The following SFXN5 variants were observed in gnomAD, a reference collection of about 807,000 sequenced individuals.
The protein encoded by SFXN5 is sideroflexin 5.
In SFXN5, 43 loss-of-function variants were observed where a neutral mutation model predicts 50.2. That is an observed-to-expected ratio of 0.86 (90% CI 0.67 to 1.11). The LOEUF (loss-of-function observed/expected upper bound fraction) is 1.11. SFXN5 is among the 50% of genes least tolerant of loss of function. The pLI is 0.00. For synonymous variants in SFXN5, 203 were observed against 185.8 expected, an observed-to-expected ratio of 1.09 and a Z score of -0.75; for missense variants, 463 against 454.1, an observed-to-expected ratio of 1.02 and a Z score of -0.18.
intron 9 of SFXN5, among the ~76,000 whole-genome samples, chr2:72,990,336 T>C (rs1702211498): frequency 6.6e-6 from 1 of 152,084 alleles, no homozygotes; most frequent in African/African-American, 2.4e-5. Flanking sequence ...AGTGGTACAG[T>C]GGGCAGGGCT....
intron 3 of SFXN5, among the ~76,000 whole-genome samples, chr2:73,029,917 C>A (rs555205151): frequency 1.3e-5 from 2 of 151,922 alleles, no homozygotes; most frequent in South Asian, 2.1e-4. Flanking sequence ...AGAAAAAATA[C>A]AAAAATTAGC....
intron 5 of SFXN5, among the ~76,000 whole-genome samples, chr2:73,021,247 C>T (rs1676849604): frequency 6.6e-6 from 1 of 152,154 alleles, no homozygotes. Context: ...CTTTGGGAGG[C>T]CAAAGCAGGC....
chr2:72,994,508 C>T (rs1672978622), intron 9 of SFXN5, among the ~76,000 whole-genome samples: 1 of 152,182 alleles, frequency 6.6e-6, no homozygotes, highest in Non-Finnish European at 1.5e-5. Flanking sequence ...AGACCTCAGC[C>T]AGCTAAGAGG....
At chr2:73,066,845 A>G (rs538614705) in intron 1 of SFXN5, among the ~76,000 whole-genome samples, 1 of 134,524 alleles carries the variant, frequency 7.4e-6, no homozygotes, top group African/African-American at 2.7e-5. Flanking sequence ...CTACAAAAAA[A>G]AAGAAAAGAA....
At chr2:73,056,678 T>G (rs981546810) in intron 2 of SFXN5, among the ~76,000 whole-genome samples, 3 of 135,110 alleles carry the variant, frequency 2.2e-5, no homozygotes, top group Non-Finnish European at 4.7e-5. Flanking sequence ...AGAGCAAAAC[T>G]CCGTCTCAAA....
chr2:73,014,334 C>T (rs574530027), intron 6 of SFXN5, among the ~76,000 whole-genome samples: 19 of 152,138 alleles, frequency 1.2e-4, no homozygotes, highest in Non-Finnish European at 2.1e-4. Flanking sequence ...TGTCCTTTTT[C>T]TCCACTGATT....
intron 2 of SFXN5, among the ~76,000 whole-genome samples, chr2:73,052,330 AAGAG>A (rs559429276): frequency 1.5e-5 from 2 of 133,266 alleles, no homozygotes; most frequent in Non-Finnish European, 3.1e-5. Flanking sequence ...TAGAAAATGT[AAGAG>A]AGAGAGTGTG....
chr2:72,998,993 T>C lies in SFXN5; in HGVS notation c.490A>G (p.Ile164Val). 6.2e-7 allele frequency: 1 copy of C among 1,614,144 alleles called. No individual in the cohort carries two copies. The highest frequency in any genetic ancestry group is 1.7e-5 in the Admixed American group (1 of 60,010). Residue 164 changes from isoleucine to valine, a missense_variant, in exon 9 of 14, where the codon ATC (isoleucine) becomes GTC (valine). Transcript: ENST00000272433. ...ATKPSPASKF[I>V]QGYLGAVISA... ...ATGACAGCTCCCAGGTATCCCTGGA[T>C]GAACTTGGATGCAGGTGAAGGCTGG...
chr2:72,955,352 G>A (rs779466118), intron 13 of SFXN5, among the ~76,000 whole-genome samples: 21 of 152,248 alleles, frequency 1.4e-4, no homozygotes, highest in Non-Finnish European at 2.4e-4. Flanking sequence ...CTCTCCTGCC[G>A]CCTGCCAACA....
intron 9 of SFXN5, among the ~76,000 whole-genome samples, chr2:72,993,896 A>C (rs1290579654): frequency 6.6e-6 from 1 of 152,154 alleles, no homozygotes; most frequent in Non-Finnish European, 1.5e-5. Flanking sequence ...ATAGCCAGAA[A>C]ACACAGGCCC....
chr2:72,951,521 G>T (rs1672533825), intron 13 of SFXN5, among the ~76,000 whole-genome samples: 1 of 152,150 alleles, frequency 6.6e-6, no homozygotes, highest in Admixed American at 6.5e-5. Flanking sequence ...TCTACAGCCT[G>T]GGAGCACACA....
At chr2:73,008,118 A>G (rs932529926) in intron 6 of SFXN5, among the ~76,000 whole-genome samples, 5 of 152,226 alleles carry the variant, frequency 3.3e-5, no homozygotes, top group African/African-American at 1.2e-4. Flanking sequence ...AGTGGCCGAC[A>G]CCAGCATCTT....
chr2:72,988,448 T>G, intron 9 of SFXN5, 100 bp from the exon 10 acceptor site: 5 of 1,019,008 alleles, frequency 4.9e-6, no homozygotes, highest in Non-Finnish European at 7.3e-6. Flanking sequence ...GAGTGAGGGA[T>G]GTCATCTTTC....
In SFXN5 at chr2:72,960,638, A is replaced by G. The variant is rs1326230856; in HGVS notation, c.945+493T>C. ...TCTCTGTTCTGGCTTCCAAGTTCCC[A>G]ACACCACCCAGCCCAGCCCCTCATT... On this transcript the variant is annotated intron_variant, in intron 13 of 13. Coordinates refer to ENST00000272433, the MANE Select transcript of SFXN5 (RefSeq NM_144579.3). The surrounding 1 kb of genome is among the most constrained non-coding windows in gnomAD (Gnocchi z 6.1). 6.6e-6 allele frequency among the ~76,000 whole-genome samples: 1 copy of G among 151,800 alleles called. No individual in the cohort carries two copies. Among genetic ancestry groups the G allele is most frequent in the Non-Finnish European group, 1.5e-5 (1 of 67,920 alleles).
chr2:73,030,221 A>C (rs1298302680), intron 3 of SFXN5, among the ~76,000 whole-genome samples: 1 of 152,074 alleles, frequency 6.6e-6, no homozygotes, highest in African/African-American at 2.4e-5. Context: ...ACTTGCATCC[A>C]TCTCTAAAGT....
intron 6 of SFXN5, among the ~76,000 whole-genome samples, chr2:73,016,525 C>T (rs1273453222): frequency 2.0e-5 from 3 of 152,036 alleles, no homozygotes; most frequent in Admixed American, 6.6e-5. Context: ...GCCAACATGG[C>T]GAAACCCCAT....
At chr2:73,048,511 C>T (rs888301492) in intron 2 of SFXN5, among the ~76,000 whole-genome samples, 32 of 152,188 alleles carry the variant, frequency 2.1e-4, no homozygotes, top group African/African-American at 7.7e-4. Context: ...CCACTGTGCC[C>T]GGCCAGTCAT....
intron 2 of SFXN5, among the ~76,000 whole-genome samples, chr2:73,052,948 CG>C (rs1681574775): frequency 6.6e-6 from 1 of 152,190 alleles, no homozygotes; most frequent in African/African-American, 2.4e-5. Context: ...GAGGCCAAGG[CG>C]GGCAGATCAC....
rs546129115 is a variant in SFXN5 at position 72,949,203 on chromosome 2, A to G, written c.946-4104T>C. Among the ~76,000 whole-genome samples, 7 of 152,278 alleles carry G rather than the reference A, an allele frequency of 4.6e-5. No individual in the cohort carries two copies. In the East Asian group the frequency reaches 1.4e-3, roughly 29 times the overall value. ...GTTGGACTTGGAAATGTGGCAGGAA[A>G]TGGAGGTGTGGCTGGGACAGGCAGA... On this transcript the variant is annotated intron_variant, in intron 13 of 13. Coordinates refer to ENST00000272433, the MANE Select transcript of SFXN5 (RefSeq NM_144579.3).
Sources: allele counts gnomAD v4.1 joint callset (sites outside exome capture counted in the v4.1 genomes callset), GRCh38; gene constraint gnomAD v4.1.1; non-coding constraint Gnocchi (gnomAD v3.1); transcripts MANE v1.5; gene names NCBI Gene and HGNC (gene_info 2026-07-23, HGNC 2026-07-21).